WDFY2: variants seen among roughly 807,000 people sequenced by gnomAD.
WDFY2 encodes WD repeat and FYVE domain-containing protein 2.
In WDFY2, 36 loss-of-function variants were observed where a neutral mutation model predicts 56.4. The ratio of observed to expected loss-of-function variants is 0.64; its 90% CI spans 0.49 to 0.84. The LOEUF is 0.84. Among genes scored for constraint, WDFY2 ranks in the 40% least tolerant of loss-of-function variants. The pLI is 0.00. For synonymous variants in WDFY2, 176 were observed against 183.7 expected (o/e 0.96, Z 0.34); for missense variants, 444 against 512.2 (o/e 0.87, Z 1.29).
intron 7 of WDFY2, among the ~76,000 whole-genome samples, chr13:51,744,089 G>A (rs1455203054): frequency 6.6e-6 from 1 of 152,174 alleles, no homozygotes; most frequent in Non-Finnish European, 1.5e-5. Flanking sequence ...CTTTGGCTTG[G>A]GATGACCCTA....
Position 51,693,826 on chromosome 13 carries a change from T to C in WDFY2, c.280-9770T>C, listed in dbSNP as rs1215361521. Among the ~76,000 whole-genome samples, 677 of 152,046 alleles carry C rather than the reference T, an allele frequency of 4.5e-3. 4 individuals carry two copies. Among genetic ancestry groups the C allele is most frequent in the African/African-American group, 0.015 (628 of 41,306 alleles). On this transcript the variant is annotated intron_variant, in intron 3 of 11. Transcript: ENST00000298125. ...TTATTGTGTGGGAGTCTAAGTCTCT[T>C]TATAGGTCACTCAGGACTTGCTTTA...
At chr13:51,751,611 T>A (rs1322297086) in intron 8 of WDFY2, 196 bp downstream of exon 8, 1 of 569,444 alleles carries the variant, frequency 1.8e-6, no homozygotes, top group Non-Finnish European at 3.2e-6. Flanking sequence ...GATGGAGAGT[T>A]CATAAGAATT....
rs1023879069 is a variant in WDFY2 at position 51,649,826 on chromosome 13, T to C, written c.138-10770T>C. ...TGCTGTTTTGGTTACTGTAGCCTTG[T>C]AGTATAGTTTGAAGTCAGGTAGCAT... is the stretch of plus-strand genomic sequence containing the variant. On this transcript the variant is annotated intron_variant, in intron 1 of 11. Coordinates refer to ENST00000298125, the MANE Select transcript of WDFY2 (RefSeq NM_052950.4). Among the ~76,000 whole-genome samples, 44 of 152,312 alleles carry C rather than the reference T, an allele frequency of 2.9e-4. 1 individual carries two copies. The highest frequency in any genetic ancestry group is 1.0e-3 in the African/African-American group (43 of 41,562).
intron 3 of WDFY2, among the ~76,000 whole-genome samples, chr13:51,694,904 C>G (rs1593422063): frequency 6.6e-6 from 1 of 152,012 alleles, no homozygotes; most frequent in Non-Finnish European, 1.5e-5. Flanking sequence ...TTTCTCTAAA[C>G]TTCCCTTCTC....
At chr13:51,653,644 G>A (rs1477458214) in intron 1 of WDFY2, among the ~76,000 whole-genome samples, 10 of 152,340 alleles carry the variant, frequency 6.6e-5, no homozygotes, top group Admixed American at 5.2e-4. Flanking sequence ...CTCAGCTGCG[G>A]GTCTGTTGGA....
intron 6 of WDFY2, among the ~76,000 whole-genome samples, chr13:51,736,864 A>G (rs1001935125): frequency 2.6e-5 from 4 of 152,208 alleles, no homozygotes; most frequent in Admixed American, 1.3e-4. Context: ...CACCTGGGTC[A>G]TGGTAAGCCC....
chr13:51,620,141 T>A (rs1294457791), intron 1 of WDFY2, among the ~76,000 whole-genome samples: 1 of 140,496 alleles, frequency 7.1e-6, no homozygotes, highest in Non-Finnish European at 1.5e-5. Flanking sequence ...TAATAACTTT[T>A]AGATAAATGT....
At chr13:51,748,235 C>T (rs766865706) in intron 7 of WDFY2, among the ~76,000 whole-genome samples, 2 of 152,312 alleles carry the variant, frequency 1.3e-5, no homozygotes, top group African/African-American at 4.8e-5. Context: ...CAACCGTGTT[C>T]GGCTTAGATT....
chr13:51,636,697 G>C (rs886910893), intron 1 of WDFY2, among the ~76,000 whole-genome samples: 1 of 152,148 alleles, frequency 6.6e-6, no homozygotes, highest in Non-Finnish European at 1.5e-5. Flanking sequence ...CTTTGTCTTT[G>C]GATCATGATC....
chr13:51,734,149 G>A (rs1459344424), intron 6 of WDFY2, among the ~76,000 whole-genome samples: 3 of 152,138 alleles, frequency 2.0e-5, no homozygotes, highest in Non-Finnish European at 2.9e-5. Flanking sequence ...TCTGGGAAAG[G>A]CAGACCCAGC....
chr13:51,758,385 C>G, intron 11 of WDFY2, 85 bp downstream of exon 11: 2 of 1,014,212 alleles, frequency 2.0e-6, no homozygotes, highest in Admixed American at 3.9e-5. Flanking sequence ...AGGCACTGTT[C>G]TAAAGGTTAT....
chr13:51,624,052 TG>T (rs1954793401), intron 1 of WDFY2, among the ~76,000 whole-genome samples: 1 of 152,168 alleles, frequency 6.6e-6, no homozygotes, highest in Non-Finnish European at 1.5e-5. Context: ...TAATAAAGGA[TG>T]ACGAATTAGA....
At chr13:51,684,336 G>A (rs1033767952) in intron 3 of WDFY2, among the ~76,000 whole-genome samples, 3 of 151,542 alleles carry the variant, frequency 2.0e-5, no homozygotes, top group African/African-American at 7.3e-5. Flanking sequence ...GCCTTCTAGT[G>A]GATTGAGTCA....
intron 5 of WDFY2, among the ~76,000 whole-genome samples, chr13:51,721,376 A>T (rs1457492059): frequency 6.6e-6 from 1 of 152,138 alleles, no homozygotes; most frequent in Non-Finnish European, 1.5e-5. Flanking sequence ...CCCAAGGAGT[A>T]TGGAAAAAAA....
chr13:51,636,163 G>A (rs1050142086), intron 1 of WDFY2, among the ~76,000 whole-genome samples: 1 of 152,132 alleles, frequency 6.6e-6, no homozygotes, highest in South Asian at 2.1e-4. Flanking sequence ...TTTTTGCTGA[G>A]TTTTGTTCAT....
intron 2 of WDFY2, among the ~76,000 whole-genome samples, chr13:51,664,002 G>A (rs186560880): frequency 1.3e-5 from 2 of 152,220 alleles, no homozygotes; most frequent in East Asian, 1.9e-4. Flanking sequence ...CATATTCCAG[G>A]TAAGAGAGTA....
intron 1 of WDFY2, among the ~76,000 whole-genome samples, chr13:51,631,825 A>G (rs768634681): frequency 5.9e-5 from 9 of 152,194 alleles, no homozygotes; most frequent in Non-Finnish European, 1.2e-4. Context: ...CACTGTGGCC[A>G]GCCTAGACCT....
intron 2 of WDFY2, among the ~76,000 whole-genome samples, chr13:51,674,553 G>A (rs1955855872): frequency 6.6e-6 from 1 of 152,084 alleles, no homozygotes; most frequent in South Asian, 2.1e-4. Flanking sequence ...ACAATGCCAA[G>A]CCCTATGATG....
intron 7 of WDFY2, among the ~76,000 whole-genome samples, chr13:51,745,798 T>C (rs987370516): frequency 1.1e-4 from 16 of 149,208 alleles, no homozygotes; most frequent in Admixed American, 6.0e-4. Flanking sequence ...GTCCTGATTA[T>C]TTATATTGGT....
Sources: gnomAD v4.1 joint callset for allele counts (sites outside exome capture counted in the v4.1 genomes callset) on GRCh38, gnomAD v4.1.1 for gene constraint, MANE v1.5 for transcripts, NCBI Gene and HGNC (gene_info 2026-07-23, HGNC 2026-07-21) for gene names.